Variants in ST3GAL4 observed in about 807,000 individuals in gnomAD.
ST3GAL4 encodes CMP-N-acetylneuraminate-beta-galactosamide-alpha-2,3-sialyltransferase 4.
A neutral mutation model predicts 42.6 loss-of-function variants in ST3GAL4; 24 were observed. That is an observed-to-expected ratio of 0.56 (90% CI 0.41 to 0.79). The LOEUF is 0.79. ST3GAL4 is among the 30% of genes least tolerant of loss of function. The pLI, the probability that ST3GAL4 is intolerant of heterozygous loss-of-function variation, is 0.00. For synonymous variants in ST3GAL4, 135 were observed against 163.2 expected (o/e 0.83, Z 1.32); for missense variants, 311 against 430.8 (o/e 0.72, Z 2.46).
In ST3GAL4 at chr11:126,393,040, A is replaced by C. The variant is rs746612213; in HGVS notation, c.-60-13056A>C. Reference sequence around the variant, plus strand: ...ACTGCAGCCTCGATCTCCTGGACTCAGGGGGTCCTCCTGTCTCAGCCTCCC... The same window carrying C: ...ACTGCAGCCTCGATCTCCTGGACTCCGGGGGTCCTCCTGTCTCAGCCTCCC... On this transcript the variant is annotated intron_variant, in intron 1 of 10. Coordinates refer to ENST00000444328, the MANE Select transcript of ST3GAL4 (RefSeq NM_001254757.2). The surrounding 1 kb of genome is among the most constrained non-coding windows in gnomAD (Gnocchi z 5.9). 6.7e-6 allele frequency among the ~76,000 whole-genome samples: 1 copy of C among 149,304 alleles called. No homozygotes were observed. Among genetic ancestry groups the C allele is most frequent in the Non-Finnish European group, 1.5e-5 (1 of 67,726 alleles).
Position 126,407,241 on chromosome 11 carries a change from C to T in ST3GAL4, c.183-11C>T, listed in dbSNP as rs768981202. The T allele has an allele frequency of 6.2e-7, 1 of 1,614,094 alleles. No homozygotes were observed. The highest frequency in any genetic ancestry group is 8.5e-7 in the Non-Finnish European group (1 of 1,179,948). On this transcript the variant is annotated splice_polypyrimidine_tract_variant and intron_variant, in intron 4 of 10. Transcript: ENST00000444328. ...TGTTCTCATCCCCACCCGGCTTTCA[C>T]CTCTGTGCAGCTACTCCCGGGATCA...
At chr11:126,362,215 T>TTTTTTA (rs1555080379) in intron 1 of ST3GAL4, among the ~76,000 whole-genome samples, 4 of 141,432 alleles carry the variant, frequency 2.8e-5, no homozygotes, top group African/African-American at 1.1e-4. Flanking sequence ...TTTTTTTTTT[T>TTTTTTA]AAGACGGAGT....
rs1952326081 is a variant in ST3GAL4 at position 126,363,641 on chromosome 11, C to T, written c.-61+7799C>T. On this transcript the variant is annotated intron_variant, in intron 1 of 10. Transcript: ENST00000444328. This position sits in a 1 kb window ranked among gnomAD's most constrained non-coding sequence, Gnocchi z 4.6. ...ATGCAACTCTTTGGACATCTTCCTG[C>T]AAAGGACGGTGGGATCTTGTCTTTC... is the stretch of plus-strand genomic sequence containing the variant. 6.6e-6 allele frequency among the ~76,000 whole-genome samples: 1 copy of T among 152,238 alleles called. No homozygotes were observed. Among genetic ancestry groups the T allele is most frequent in the African/African-American group, 2.4e-5 (1 of 41,458 alleles).
At position 126,383,700 on chromosome 11, in the gene ST3GAL4, C is replaced by T. The variant is rs971020195; in HGVS notation, c.-60-22396C>T. Among the ~76,000 whole-genome samples, 5 of 152,160 alleles carry T rather than the reference C, an allele frequency of 3.3e-5. No individual in the cohort carries two copies. The highest frequency in any genetic ancestry group is 4.2e-4 in the South Asian group (2 of 4,816). ...GAGGGCCGGTGTGAGCTGCAGGGAC[C>T]GGAGAGCTGCTGGAAGGGGCTGTCT... On this transcript the variant is annotated intron_variant, in intron 1 of 10. Coordinates refer to ENST00000444328, the MANE Select transcript of ST3GAL4 (RefSeq NM_001254757.2). This position sits in a 1 kb window ranked among gnomAD's most constrained non-coding sequence, Gnocchi z 4.5.
In ST3GAL4 at chr11:126,376,128, G is replaced by A. The variant is rs996833034; in HGVS notation, c.-61+20286G>A. ...AGGAAAACACAGAATTATATAATACGAAATTACATTATATCATAGAGCATA... is the reference window on the plus strand; with the variant it reads ...AGGAAAACACAGAATTATATAATACAAAATTACATTATATCATAGAGCATA... On this transcript the variant is annotated intron_variant, in intron 1 of 10. Coordinates refer to ENST00000444328, the MANE Select transcript of ST3GAL4 (RefSeq NM_001254757.2). This position sits in a 1 kb window ranked among gnomAD's most constrained non-coding sequence, Gnocchi z 5.1. 2.0e-5 allele frequency among the ~76,000 whole-genome samples: 3 copies of A among 150,972 alleles called. No individual in the cohort carries two copies. The highest frequency in any genetic ancestry group is 6.6e-5 in the Admixed American group (1 of 15,234).
At position 126,366,679 on chromosome 11, in the gene ST3GAL4, C is replaced by A. The variant is rs1426993157; in HGVS notation, c.-61+10837C>A. Among the ~76,000 whole-genome samples, 1 of 152,168 alleles carries A rather than the reference C, an allele frequency of 6.6e-6. No individual in the cohort carries two copies. Among genetic ancestry groups the A allele is most frequent in the East Asian group, 1.9e-4 (1 of 5,190 alleles). ...GACTTCAGGTGTGGACCCTCGAACC[C>A]TCAGCTGCACAGGTCTGGAAACATC... On this transcript the variant is annotated intron_variant, in intron 1 of 10. Transcript: ENST00000444328. The surrounding 1 kb of genome is among the most constrained non-coding windows in gnomAD (Gnocchi z 4.2).
intron 1 of ST3GAL4, among the ~76,000 whole-genome samples, chr11:126,403,015 T>G (rs1173266677): frequency 3.3e-5 from 5 of 152,236 alleles, no homozygotes; most frequent in African/African-American, 1.2e-4. Context: ...GCTTTGCTCC[T>G]GCCCTTTATG....
chr11:126,361,298 C>T (rs1952232615), intron 1 of ST3GAL4, among the ~76,000 whole-genome samples: 1 of 152,092 alleles, frequency 6.6e-6, no homozygotes, highest in Non-Finnish European at 1.5e-5. Flanking sequence ...CACTTTTATT[C>T]CTTGTACATA....
intron 1 of ST3GAL4, among the ~76,000 whole-genome samples, chr11:126,394,597 G>T (rs1303377791): frequency 2.0e-5 from 3 of 151,900 alleles, no homozygotes; most frequent in Non-Finnish European, 4.4e-5. Context: ...GCTAATTTTT[G>T]TATTTTTTAT....
At chr11:126,408,066 G>A in intron 6 of ST3GAL4, 33 bp from the exon 7 acceptor site, 3 of 1,608,016 alleles carry the variant, frequency 1.9e-6, no homozygotes, top group Non-Finnish European at 2.5e-6. Context: ...TTAGAGTGTG[G>A]GGTGACATAG....
At chr11:126,358,223 G>A (rs546928507) in intron 1 of ST3GAL4, among the ~76,000 whole-genome samples, 1 of 152,256 alleles carries the variant, frequency 6.6e-6, no homozygotes, top group Non-Finnish European at 1.5e-5. Flanking sequence ...CCGGCTGGAC[G>A]TTTCCCTGCA....
rs7110951 is a variant in ST3GAL4, at chr11:126,383,518, G to A, written c.-60-22578G>A. ...TGGCTTGGGGGGGCCCTCAAGCCCC[G>A]GAAGCTGTATGTGGGCATGGGGGGC... On this transcript the variant is annotated intron_variant, in intron 1 of 10. Coordinates refer to ENST00000444328, the MANE Select transcript of ST3GAL4 (RefSeq NM_001254757.2). This position sits in a 1 kb window ranked among gnomAD's most constrained non-coding sequence, Gnocchi z 4.5. Among the ~76,000 whole-genome samples the A allele has an allele frequency of 0.031, 4,665 of 152,240 alleles. 248 individuals are homozygous for A. Among genetic ancestry groups the A allele is most frequent in the African/African-American group, 0.11 (4,405 of 41,520 alleles).
At position 126,410,609 on chromosome 11, in the gene ST3GAL4, A is replaced by G; in HGVS notation, c.771+1198A>G. Among the ~76,000 whole-genome samples the G allele has an allele frequency of 6.6e-6, 1 of 152,160 alleles. No individual in the cohort carries two copies. Among genetic ancestry groups the G allele is most frequent in the Non-Finnish European group, 1.5e-5 (1 of 68,028 alleles). ...GGCCTGCCCTTTAAATATTTGCCAG[A>G]TTTTGAATAAATGATTTTATTGTTT... On this transcript the variant is annotated intron_variant, in intron 9 of 10. Transcript: ENST00000444328. The surrounding 1 kb of genome is among the most constrained non-coding windows in gnomAD (Gnocchi z 5.3).
In ST3GAL4 at chr11:126,376,500, A is replaced by G. The variant is rs975269464; in HGVS notation, c.-61+20658A>G. On this transcript the variant is annotated intron_variant, in intron 1 of 10. Coordinates refer to ENST00000444328, the MANE Select transcript of ST3GAL4 (RefSeq NM_001254757.2). The surrounding 1 kb of genome is among the most constrained non-coding windows in gnomAD (Gnocchi z 5.1). Reference sequence around the variant, plus strand: ...CTTGTTGGAAGTTTCCTAGTCACATAACCATATGTTAGTTGGCTACTTATG... The same window carrying G: ...CTTGTTGGAAGTTTCCTAGTCACATGACCATATGTTAGTTGGCTACTTATG... Among the ~76,000 whole-genome samples, 2 of 152,240 alleles carry G rather than the reference A, an allele frequency of 1.3e-5. No homozygotes were observed. Among genetic ancestry groups the G allele is most frequent in the Admixed American group, 1.3e-4 (2 of 15,272 alleles).
At position 126,411,804 on chromosome 11, in the gene ST3GAL4, T is replaced by C. The variant is rs1205187126; in HGVS notation, c.772-1701T>C. Reference sequence around the variant, plus strand: ...TTCAAGCCAGCGACGGCACAATAGATCCTTTCTGTGCTTCAAATCTCTGAC... The same window carrying C: ...TTCAAGCCAGCGACGGCACAATAGACCCTTTCTGTGCTTCAAATCTCTGAC... On this transcript the variant is annotated intron_variant, in intron 9 of 10. Coordinates refer to ENST00000444328, the MANE Select transcript of ST3GAL4 (RefSeq NM_001254757.2). This position sits in a 1 kb window ranked among gnomAD's most constrained non-coding sequence, Gnocchi z 6.3. Among the ~76,000 whole-genome samples the C allele has an allele frequency of 6.6e-6, 1 of 152,028 alleles. No homozygotes were observed. The highest frequency in any genetic ancestry group is 1.5e-5 in the Non-Finnish European group (1 of 68,010).
chr11:126,407,658 T>C, intron 6 of ST3GAL4, 24 bp downstream of exon 6: 2 of 1,613,058 alleles, frequency 1.2e-6, no homozygotes, highest in Non-Finnish European at 1.7e-6. Context: ...CCGACTCCAG[T>C]CTGGGCACCT....
chr11:126,385,403 C>T (rs541010029), intron 1 of ST3GAL4, among the ~76,000 whole-genome samples: 1 of 152,118 alleles, frequency 6.6e-6, no homozygotes, highest in East Asian at 1.9e-4. Context: ...CCTCCCACCT[C>T]GGCCTCCTAA....
chr11:126,391,130 C>T lies in ST3GAL4; in HGVS notation c.-60-14966C>T, dbSNP rs1198621525. On this transcript the variant is annotated intron_variant, in intron 1 of 10. Coordinates refer to ENST00000444328, the MANE Select transcript of ST3GAL4 (RefSeq NM_001254757.2). This position sits in a 1 kb window ranked among gnomAD's most constrained non-coding sequence, Gnocchi z 5.5. ...GCTTCCACATTAGCTATTGCAAAGT[C>T]AATAATGCTGCTGTGACCACGGGTG... Among the ~76,000 whole-genome samples, 1 of 152,164 alleles carries T rather than the reference C, an allele frequency of 6.6e-6. No individual in the cohort carries two copies. Among genetic ancestry groups the T allele is most frequent in the African/African-American group, 2.4e-5 (1 of 41,448 alleles).
chr11:126,394,126 T>C (rs958053754), intron 1 of ST3GAL4, among the ~76,000 whole-genome samples: 1 of 152,228 alleles, frequency 6.6e-6, no homozygotes, highest in African/African-American at 2.4e-5. Context: ...GGCAGGGCAC[T>C]GGCTGTGCTG....
Sources: gnomAD v4.1 joint callset for allele counts (sites outside exome capture counted in the v4.1 genomes callset) on GRCh38, gnomAD v4.1.1 for gene constraint, Gnocchi (gnomAD v3.1) non-coding constraint, MANE v1.5 for transcripts, NCBI Gene and HGNC (gene_info 2026-07-23, HGNC 2026-07-21) for gene names.